The following SKIC8 variants were observed in gnomAD, a reference collection of about 807,000 sequenced individuals.
SKIC8 encodes the protein SKI8 subunit of superkiller complex.
At chr15:78,291,419 A>T in the SKIC8 span, among the ~76,000 whole-genome samples, 26 of 152,176 alleles carry the variant, frequency 1.7e-4, no homozygotes, top group Admixed American at 7.9e-4. Context: ...GTCCTCTGTA[A>T]GTAATGTAAG....
chr15:78,289,604 G>A, the SKIC8 span: 1 of 1,582,874 alleles, frequency 6.3e-7, no homozygotes, highest in Middle Eastern at 1.7e-4. Context: ...GTCAAAATAA[G>A]ATGATGATAT....
At chr15:78,295,108 T>G in the SKIC8 span, 1 of 954,678 alleles carries the variant, frequency 1.0e-6, no homozygotes, top group Non-Finnish European at 1.6e-6. Context: ...AACCTGGCCA[T>G]CCCGCAAGCT....
chr15:78,293,242 C>A, the SKIC8 span: 1 of 1,614,080 alleles, frequency 6.2e-7, no homozygotes. Flanking sequence ...GTTTGTCCCC[C>A]AAGCAACTGA....
the SKIC8 span, chr15:78,291,891 G>A: frequency 1.2e-4 from 18 of 152,222 alleles, no homozygotes. Flanking sequence ...TTCTGCTGGG[G>A]AATGTTGTGC....
At chr15:78,293,972 G>T in the SKIC8 span, among the ~76,000 whole-genome samples, 1 of 152,184 alleles carries the variant, frequency 6.6e-6, no homozygotes, top group Non-Finnish European at 1.5e-5. Context: ...GTAAAAACGT[G>T]ACAAGTGCAC....
the SKIC8 span, chr15:78,292,538 A>G: frequency 3.8e-6 from 6 of 1,591,012 alleles, no homozygotes; most frequent in Admixed American, 1.0e-4. Flanking sequence ...TCTGAGCTGT[A>G]AAACACATTC....
At chr15:78,294,864 T>G in the SKIC8 span, 1 of 1,559,992 alleles carries the variant, frequency 6.4e-7, no homozygotes, top group Non-Finnish European at 8.8e-7. Flanking sequence ...ACTGCATGTC[T>G]GGTCAGCATG....
chr15:78,295,220 C>A, the SKIC8 span: 10 of 571,704 alleles, frequency 1.7e-5, no homozygotes, highest in South Asian at 2.0e-4. Flanking sequence ...ACTCACTCAA[C>A]AAGAGACCAA....
the SKIC8 span, chr15:78,294,740 CT>C: frequency 0.086 from 37,664 of 436,990 alleles, no homozygotes; most frequent in East Asian, 0.11. Context: ...ATGATGACTG[CT>C]TTTTTTTTTT....
chr15:78,297,349 C>T, the SKIC8 span, among the ~76,000 whole-genome samples: 1 of 152,192 alleles, frequency 6.6e-6, no homozygotes, highest in African/African-American at 2.4e-5. Flanking sequence ...AATGTCATGT[C>T]TTCCAAAGAC....
chr15:78,289,790 C>T, the SKIC8 span: 5 of 1,534,892 alleles, frequency 3.3e-6, no homozygotes, highest in South Asian at 1.1e-5. Flanking sequence ...CACAAGCAAA[C>T]CTCCTGCTAT....
At chr15:78,288,446 G>A in the SKIC8 span, 2 of 1,484,992 alleles carry the variant, frequency 1.3e-6, no homozygotes, top group African/African-American at 2.8e-5. Context: ...GCTTCCCACT[G>A]ACAATGCCCC....
the SKIC8 span, chr15:78,286,983 T>C: frequency 2.0e-5 from 3 of 152,316 alleles, no homozygotes; most frequent in East Asian, 3.9e-4. Context: ...TCAAAACTCA[T>C]AGAATGTACA....
the SKIC8 span, among the ~76,000 whole-genome samples, chr15:78,296,243 T>C: frequency 1.9e-4 from 29 of 151,718 alleles, no homozygotes; most frequent in African/African-American, 6.8e-4. Flanking sequence ...ACGTCTCTAA[T>C]AAAAATACAA....
At chr15:78,290,132 G>A in the SKIC8 span, 89 of 1,585,766 alleles carry the variant, frequency 5.6e-5, 1 homozygote, top group South Asian at 3.5e-4. Flanking sequence ...AAAATACAGT[G>A]TGAAAAGACT....
the SKIC8 span, among the ~76,000 whole-genome samples, chr15:78,294,307 C>A: frequency 1.3e-5 from 2 of 152,212 alleles, no homozygotes; most frequent in Non-Finnish European, 2.9e-5. Context: ...ATTCCTTAGG[C>A]CTTCTCAAAC....
chr15:78,292,764 C>T, the SKIC8 span: 165,920 of 1,613,846 alleles, frequency 0.1, 8,902 homozygotes, highest in East Asian at 0.13. Context: ...CCAGACTCCA[C>T]TGTAGGTCCA....
chr15:78,294,592 C>A, the SKIC8 span: 1 of 248,492 alleles, frequency 4.0e-6, no homozygotes, highest in Middle Eastern at 1.5e-3. Context: ...GGCTCACGTT[C>A]ACCTCCCCAG....
the SKIC8 span, chr15:78,286,122 T>C: frequency 6.2e-7 from 1 of 1,611,650 alleles, no homozygotes; most frequent in Admixed American, 1.7e-5. Context: ...GCCAGCCAAA[T>C]TGGCATGTTG....
Sources: gnomAD v4.1 joint callset for allele counts (sites outside exome capture counted in the v4.1 genomes callset) on GRCh38, gnomAD v4.1.1 for gene constraint, MANE v1.5 for transcripts, NCBI Gene and HGNC (gene_info 2026-07-23, HGNC 2026-07-21) for gene names.